Variants in KIAA1614 observed in about 807,000 individuals in gnomAD.
KIAA1614 encodes uncharacterized protein KIAA1614.
Under a neutral mutation model 88.7 loss-of-function variants are expected in KIAA1614, and 76 were observed. The observed-to-expected ratio is 0.86, with a 90% confidence interval of 0.71 to 1.04. The LOEUF is 1.04. KIAA1614 is among the 50% of genes least tolerant of loss of function. KIAA1614 has a pLI of 0.00. For missense variants in KIAA1614, 1,553 were observed against 1,582.5 expected (o/e 0.98, Z 0.32); for synonymous variants, 714 against 675.5 (o/e 1.06, Z -0.88).
intron 4 of KIAA1614, 48 bp downstream of exon 4, chr1:180,928,621 A>G (rs755764630): frequency 6.3e-7 from 1 of 1,583,112 alleles, no homozygotes; most frequent in Non-Finnish European, 8.6e-7. Flanking sequence ...ATAGCAGGGA[A>G]GAGTCAGCAG....
At chr1:180,930,969 C>T (rs1342061912) in intron 4 of KIAA1614, among the ~76,000 whole-genome samples, 1 of 152,224 alleles carries the variant, frequency 6.6e-6, no homozygotes, top group Non-Finnish European at 1.5e-5. Context: ...CCAGATGCAT[C>T]ACTTCTAAAG....
At chr1:180,944,585 C>T (rs1654546525) in intron 8 of KIAA1614, 69 bp downstream of exon 8, 2 of 1,532,540 alleles carry the variant, frequency 1.3e-6, no homozygotes, top group Admixed American at 1.8e-5. Context: ...AGCTTAACTC[C>T]TTCCTGCCTC....
intron 7 of KIAA1614, chr1:180,944,153 T>C: frequency 3.0e-6 from 1 of 336,216 alleles, no homozygotes; most frequent in Admixed American, 4.3e-5. Context: ...AGCACTAAAG[T>C]TGTTATTTCA....
At chr1:180,922,629 G>C (rs1437123001) in intron 3 of KIAA1614, among the ~76,000 whole-genome samples, 1 of 152,180 alleles carries the variant, frequency 6.6e-6, no homozygotes, top group East Asian at 1.9e-4. Flanking sequence ...AGCTTAATAT[G>C]TTAATTAGCA....
At chr1:180,931,966 AG>A (rs1654206795) in intron 4 of KIAA1614, among the ~76,000 whole-genome samples, 1 of 152,046 alleles carries the variant, frequency 6.6e-6, no homozygotes, top group Non-Finnish European at 1.5e-5. Flanking sequence ...CTTTCTGTGC[AG>A]TGGGCTAGGC....
At chr1:180,915,947 G>T (rs1653783937) in intron 1 of KIAA1614, among the ~76,000 whole-genome samples, 1 of 152,122 alleles carries the variant, frequency 6.6e-6, no homozygotes. Context: ...CCCCGCCCCC[G>T]ATCCATGGAA....
At position 180,935,911 on chromosome 1, in the gene KIAA1614, C is replaced by T; in HGVS notation, c.2002C>T (p.Pro668Ser). Residue 668 changes from proline to serine, a missense_variant, in exon 5 of 9, where the codon CCT becomes TCT. Transcript: ENST00000367588. The surrounding 1 kb of genome is among the most constrained non-coding windows in gnomAD (Gnocchi z 6.1). ...RWSKKAEAEL[P>S]WGLQAQQHLP... ...GTCCAAGAAGGCTGAGGCGGAGCTC[C>T]CTTGGGGCCTTCAGGCCCAGCAACA... The T allele has an allele frequency of 1.2e-6, 2 of 1,613,964 alleles. No individual in the cohort carries two copies. The highest frequency in any genetic ancestry group is 8.5e-7 in the Non-Finnish European group (1 of 1,179,914).
In KIAA1614 at chr1:180,921,236, T is replaced by C. The variant is rs114124992; in HGVS notation, c.1061+3322T>C. Among the ~76,000 whole-genome samples, 1,114 of 151,942 alleles carry C rather than the reference T, an allele frequency of 7.3e-3. 16 individuals carry two copies. The highest frequency in any genetic ancestry group is 0.025 in the African/African-American group (1,049 of 41,386). On this transcript the variant is annotated intron_variant, in intron 3 of 8. Coordinates refer to ENST00000367588, the MANE Select transcript of KIAA1614 (RefSeq NM_020950.2). ...GCAGGGGCGGGGGGTCACAAGGTGC[T>C]CAGTGGAGGAGATTTTGAGCCAGAA...
In KIAA1614 at chr1:180,941,226, C is replaced by T. The variant is rs1436964305; in HGVS notation, c.3100C>T (p.Pro1034Ser). The T allele has an allele frequency of 1.9e-6, 3 of 1,613,716 alleles. No homozygotes were observed. The highest frequency in any genetic ancestry group is 2.5e-6 in the Non-Finnish European group (3 of 1,179,952). Residue 1034 changes from proline to serine, a missense_variant, in exon 7 of 9, where the codon CCC becomes TCC. Coordinates refer to ENST00000367588, the MANE Select transcript of KIAA1614 (RefSeq NM_020950.2). ...SRSYSVEQLQ[P>S]APPGLTSQSR... is the part of the protein sequence containing the mutation. ...CAGCTACAGTGTGGAGCAGTTGCAG[C>T]CCGCCCCGCCTGGCCTGACGTCACA...
rs1653854813 is a variant in KIAA1614 at position 180,917,875 on chromosome 1, G to A, written c.1022G>A (p.Trp341Ter). The change falls in exon 3 of 9, where the codon TGG becomes TAG. Residue 341 changes from tryptophan (W) to a stop codon, truncating the protein, a stop_gained. Coordinates refer to ENST00000367588, the MANE Select transcript of KIAA1614 (RefSeq NM_020950.2). LOFTEE classifies it high-confidence loss of function. ...APERPVGDVD[W>*]ASGTSLQDSG... ...GAGCGACCAGTGGGGGATGTGGACT[G>A]GGCCTCGGGCACCTCCTTGCAGGAC... The A allele has an allele frequency of 1.2e-6, 2 of 1,613,882 alleles. No homozygotes were observed. The highest frequency in any genetic ancestry group is 1.7e-5 in the Admixed American group (1 of 59,994).
rs1404426870 is a variant in KIAA1614 at position 180,941,086 on chromosome 1, C to T, written c.2960C>T (p.Ala987Val). 2 of 1,611,578 alleles carry T rather than the reference C, an allele frequency of 1.2e-6. No individual in the cohort carries two copies. Among genetic ancestry groups the T allele is most frequent in the South Asian group, 2.2e-5 (2 of 90,988 alleles). The change falls in exon 7 of 9, where the codon GCT becomes GTT. Residue 987 changes from alanine to valine, a missense_variant. By Grantham distance (64) the Ala-to-Val change is moderately conservative. Transcript: ENST00000367588. ...GGCACAGGACCCGGCTCCCCCTCGG[C>T]TGCCCCTTTGGACCAGAACAAGAAA... The part of the protein sequence containing the change: ...GAGTGPGSPS[A>V]APLDQNKKRS...
rs1313860251 is a variant in KIAA1614 at position 180,916,643 on chromosome 1, C to G, written c.540C>G (p.Cys180Trp). 7 of 1,601,528 alleles carry G rather than the reference C, an allele frequency of 4.4e-6. No homozygotes were observed. In the East Asian group the frequency reaches 1.6e-4, roughly 36 times the overall value. Residue 180 changes from cysteine to tryptophan, a missense_variant, in exon 2 of 9, where the codon TGC becomes TGG. By Grantham distance (215) the Cys-to-Trp change is radical. Coordinates refer to ENST00000367588, the MANE Select transcript of KIAA1614 (RefSeq NM_020950.2). ...CGCCTGCCCCTGGACGTGAGTACTG[C>G]AACAGGGGGAGCCCGTGGCCTCCAG... ...PRPPAPGREY[C>W]NRGSPWPPEA...
At chr1:180,943,028 G>GTTTTTTTTTTTTTTTT (rs765988727) in intron 7 of KIAA1614, among the ~76,000 whole-genome samples, 2 of 14,936 alleles carry the variant, frequency 1.3e-4, no homozygotes, top group South Asian at 4.5e-3. Flanking sequence ...AGTTTTTTGG[G>GTTTTTTTTTTTTTTTT]TTTTTTTTTT....
rs369806757 is a variant in KIAA1614 at position 180,916,982 on chromosome 1, G to C, written c.879G>C (p.Leu293=). 6.2e-7 allele frequency: 1 copy of C among 1,614,024 alleles called. No homozygotes were observed. Among genetic ancestry groups the C allele is most frequent in the African/African-American group, 1.3e-5 (1 of 74,948 alleles). Residue 293 remains leucine, a synonymous_variant, in exon 2 of 9, where the codon CTG becomes CTC. Coordinates refer to ENST00000367588, the MANE Select transcript of KIAA1614 (RefSeq NM_020950.2). ...ALGAGSSVLS[L]SDRVERNRLL... is the part of the protein sequence containing the mutation. ...GCGCTGGGAGCAGTGTCTTGTCCCTGTCTGATCGGGTGGAGAGAAACCGCC... is the reference window on the plus strand; with the variant it reads ...GCGCTGGGAGCAGTGTCTTGTCCCTCTCTGATCGGGTGGAGAGAAACCGCC...
At position 180,935,089 on chromosome 1, in the gene KIAA1614, C is replaced by CCT; in HGVS notation, c.1206-20_1206-19dup. 7.3e-7 allele frequency: 1 copy of CCT among 1,370,672 alleles called. No homozygotes were observed. The allele number at this position is 1,370,672 out of a possible 1,614,324, so 84.9% of individuals were successfully genotyped here. On this transcript the variant is annotated intron_variant, in intron 4 of 8. Transcript: ENST00000367588. This position sits in a 1 kb window ranked among gnomAD's most constrained non-coding sequence, Gnocchi z 6.1. ...TACCTCCCCAGGTTTCTGCCCTTGA[C>CCT]CTCTCTCCTCCTGTCTCTTCATCAG...
chr1:180,918,311 A>T (rs1317843117), intron 3 of KIAA1614, among the ~76,000 whole-genome samples: 1 of 152,226 alleles, frequency 6.6e-6, no homozygotes, highest in Non-Finnish European at 1.5e-5. Flanking sequence ...GGGAAAATGT[A>T]CAAAGCCTTA....
At position 180,935,816 on chromosome 1, in the gene KIAA1614, C is replaced by G. The variant is rs113108579; in HGVS notation, c.1907C>G (p.Ala636Gly). 6.2e-7 allele frequency: 1 copy of G among 1,613,516 alleles called. No homozygotes were observed. The highest frequency in any genetic ancestry group is 1.7e-5 in the Admixed American group (1 of 59,990). ...GCGGGGACCTCTCAGGCTGGCTGGG[C>G]GTGTGGGCGGACCCAAGGCAGCAGC... ...EEAGTSQAGW[A>G]CGRTQGSSPR... Residue 636 changes from alanine to glycine, a missense_variant, in exon 5 of 9, where the codon GCG (alanine) becomes GGG (glycine). Physicochemically the swap from Ala to Gly is moderately conservative, Grantham distance 60. Transcript: ENST00000367588. The surrounding 1 kb of genome is among the most constrained non-coding windows in gnomAD (Gnocchi z 6.1).
At chr1:180,915,418 C>G (rs1457076211) in intron 1 of KIAA1614, among the ~76,000 whole-genome samples, 2 of 152,204 alleles carry the variant, frequency 1.3e-5, no homozygotes, top group African/African-American at 2.4e-5. Flanking sequence ...TGAAGCTACC[C>G]TTCAGCAAAG....
chr1:180,915,417 C>G (rs963662463), intron 1 of KIAA1614, among the ~76,000 whole-genome samples: 1 of 152,158 alleles, frequency 6.6e-6, no homozygotes, highest in African/African-American at 2.4e-5. Context: ...CTGAAGCTAC[C>G]CTTCAGCAAA....
Sources: allele counts gnomAD v4.1 joint callset (sites outside exome capture counted in the v4.1 genomes callset), GRCh38; gene constraint gnomAD v4.1.1; non-coding constraint Gnocchi (gnomAD v3.1); transcripts MANE v1.5; gene names NCBI Gene and HGNC (gene_info 2026-07-23, HGNC 2026-07-21).